Variants in GRAMD2B observed in about 807,000 individuals in gnomAD.
The protein encoded by GRAMD2B is GRAM domain containing 2B.
A neutral mutation model predicts 59.2 loss-of-function variants in GRAMD2B; 41 were observed. That is an observed-to-expected ratio of 0.69 (90% CI 0.54 to 0.90). The LOEUF is 0.90. GRAMD2B is among the 40% of genes least tolerant of loss of function. The pLI is 0.00. For missense variants in GRAMD2B, 424 were observed against 500.5 expected (o/e 0.85, Z 1.46); for synonymous variants, 161 against 182.7 (o/e 0.88, Z 0.96).
intron 1 of GRAMD2B, among the ~76,000 whole-genome samples, chr5:126,402,415 A>G (rs1318972233): frequency 6.6e-6 from 1 of 152,038 alleles, no homozygotes; most frequent in Non-Finnish European, 1.5e-5. Flanking sequence ...CTTGGTAAAT[A>G]CCACCTTGAA....
intron 9 of GRAMD2B, 175 bp downstream of exon 9, chr5:126,483,749 A>G: frequency 1.8e-6 from 1 of 557,604 alleles, no homozygotes; most frequent in Non-Finnish European, 3.1e-6. Context: ...GAGGGAAAAG[A>G]ATTGCCTATG....
intron 1 of GRAMD2B, among the ~76,000 whole-genome samples, chr5:126,448,014 C>G (rs548257608): frequency 1.7e-4 from 25 of 149,046 alleles, no homozygotes; most frequent in African/African-American, 6.3e-4. Context: ...CATGCACCAC[C>G]ACATCCAGCT....
chr5:126,481,210 AG>A lies in GRAMD2B; in HGVS notation c.735+504del, dbSNP rs376310944. ...TAACTGTAAAAAAAAAAAAAAAGAAAGAAAGAAAGAAAGAAAGAAAGAAAGA... is the reference window on the plus strand; with the variant it reads ...TAACTGTAAAAAAAAAAAAAAAGAAAAAAGAAAGAAAGAAAGAAAGAAAGA... On this transcript the variant is annotated intron_variant, in intron 8 of 13. Coordinates refer to ENST00000285689, the MANE Select transcript of GRAMD2B (RefSeq NM_023927.4). Among the ~76,000 whole-genome samples, 110 of 11,686 alleles carry A rather than the reference AG, an allele frequency of 9.4e-3. 1 individual carries two copies. The highest frequency in any genetic ancestry group is 0.02 in the South Asian group (6 of 306). The allele number at this position is 11,686 out of a possible 152,430, so 7.7% of individuals were successfully genotyped here.
At chr5:126,468,612 C>T (rs1199717888) in intron 2 of GRAMD2B, among the ~76,000 whole-genome samples, 6 of 152,050 alleles carry the variant, frequency 3.9e-5, no homozygotes, top group South Asian at 2.1e-4. Flanking sequence ...CTCAGCCTCC[C>T]GAGTAGCTGG....
chr5:126,434,667 G>A (rs926151076), intron 1 of GRAMD2B, among the ~76,000 whole-genome samples: 11 of 152,002 alleles, frequency 7.2e-5, no homozygotes, highest in East Asian at 1.9e-4. Flanking sequence ...ACAGGTGCCC[G>A]CCACCACGCC....
At chr5:126,488,760 C>A (rs2126969495) in intron 12 of GRAMD2B, 39 bp from the exon 13 acceptor site, 1 of 1,398,922 alleles carries the variant, frequency 7.1e-7, no homozygotes, top group South Asian at 1.2e-5. Context: ...CTTTCCTTGT[C>A]ATCCCTGCCC....
At chr5:126,459,502 C>A (rs1766955170) in intron 1 of GRAMD2B, among the ~76,000 whole-genome samples, 1 of 152,208 alleles carries the variant, frequency 6.6e-6, no homozygotes, top group Admixed American at 6.5e-5. Flanking sequence ...TGATAAGAAT[C>A]ATTTATACTA....
rs145757184 is a variant in GRAMD2B at position 126,435,127 on chromosome 5, C to T, written c.83+11438C>T. Among the ~76,000 whole-genome samples, 530 of 152,284 alleles carry T rather than the reference C, an allele frequency of 3.5e-3. 2 individuals carry two copies. The highest frequency in any genetic ancestry group is 6.8e-3 in the Middle Eastern group (2 of 294). ...TAATGCTTACTCTGTGCAGGGAATA[C>T]AAGGCTAAATGAGGTATAAGTGTTG... On this transcript the variant is annotated intron_variant, in intron 1 of 13. Transcript: ENST00000285689.
chr5:126,404,984 C>T (rs1483915370), intron 1 of GRAMD2B, among the ~76,000 whole-genome samples: 1 of 151,878 alleles, frequency 6.6e-6, no homozygotes, highest in East Asian at 1.9e-4. Flanking sequence ...GAAACCAAAG[C>T]TCAGAGAGGT....
intron 1 of GRAMD2B, among the ~76,000 whole-genome samples, chr5:126,435,374 A>G (rs1418048239): frequency 6.6e-6 from 1 of 152,162 alleles, no homozygotes; most frequent in Non-Finnish European, 1.5e-5. Flanking sequence ...AGGCAGAGGG[A>G]AGAACAAGGA....
upstream of GRAMD2B, among the ~76,000 whole-genome samples, chr5:126,421,977 T>C (rs753021061): frequency 1.3e-5 from 2 of 152,220 alleles, no homozygotes; most frequent in Non-Finnish European, 2.9e-5. Flanking sequence ...CCACTTGTAA[T>C]TGTTTTGAAG....
intron 1 of GRAMD2B, among the ~76,000 whole-genome samples, chr5:126,394,394 T>C (rs1757169626): frequency 6.6e-6 from 1 of 152,062 alleles, no homozygotes; most frequent in Non-Finnish European, 1.5e-5. Context: ...TGTTATATGG[T>C]AGAGTAAATC....
chr5:126,488,896 A>G lies in GRAMD2B; in HGVS notation c.1257+4A>G. On this transcript the variant is annotated splice_donor_region_variant and intron_variant, in intron 13 of 13. Transcript: ENST00000285689. Reference sequence around the variant, plus strand: ...TAACATAGTGAAATTAGAAAAGGTGACCTATTTCTTTCCTGTGTATGGGGG... The same window carrying G: ...TAACATAGTGAAATTAGAAAAGGTGGCCTATTTCTTTCCTGTGTATGGGGG... 1 of 1,608,810 alleles carries G rather than the reference A, an allele frequency of 6.2e-7. No individual in the cohort carries two copies. Among genetic ancestry groups the G allele is most frequent in the Middle Eastern group, 1.7e-4 (1 of 6,056 alleles).
At chr5:126,431,232 G>A (rs1056621805) in intron 1 of GRAMD2B, among the ~76,000 whole-genome samples, 2 of 151,866 alleles carry the variant, frequency 1.3e-5, no homozygotes, top group South Asian at 4.2e-4. Flanking sequence ...TGTTGAACTT[G>A]GCGACTTGAA....
intron 1 of GRAMD2B, among the ~76,000 whole-genome samples, chr5:126,433,131 G>A (rs902459827): frequency 2.0e-5 from 3 of 152,184 alleles, no homozygotes; most frequent in South Asian, 2.1e-4. Flanking sequence ...AAGAAACTAA[G>A]TAGCTCCAGA....
chr5:126,381,756 G>A (rs1263057894), intron 1 of GRAMD2B, among the ~76,000 whole-genome samples: 1 of 151,472 alleles, frequency 6.6e-6, no homozygotes, highest in East Asian at 1.9e-4. Context: ...ATACCTTGGG[G>A]TTTTTTTTCA....
intron 1 of GRAMD2B, among the ~76,000 whole-genome samples, chr5:126,386,953 T>C (rs1289454500): frequency 1.3e-5 from 2 of 152,218 alleles, no homozygotes; most frequent in Non-Finnish European, 2.9e-5. Flanking sequence ...TTGTTTTACC[T>C]ATTTGTTTTA....
chr5:126,478,724 C>T (rs1771126389), intron 6 of GRAMD2B, among the ~76,000 whole-genome samples: 1 of 152,120 alleles, frequency 6.6e-6, no homozygotes, highest in South Asian at 2.1e-4. Flanking sequence ...GCCTGGGTGA[C>T]AAAGCGAGAC....
At chr5:126,388,872 T>TG (rs570860076) in intron 1 of GRAMD2B, among the ~76,000 whole-genome samples, 29 of 151,416 alleles carry the variant, frequency 1.9e-4, no homozygotes, top group Non-Finnish European at 3.5e-4. Context: ...GAGGGTGGGG[T>TG]GGGGGTGAGA....
Sources: allele counts gnomAD v4.1 joint callset (sites outside exome capture counted in the v4.1 genomes callset), GRCh38; gene constraint gnomAD v4.1.1; transcripts MANE v1.5; gene names NCBI Gene and HGNC (gene_info 2026-07-23, HGNC 2026-07-21).